Variants in GXYLT1 observed in about 807,000 individuals in gnomAD.
GXYLT1 encodes the protein glucoside xylosyltransferase 1.
In GXYLT1, 29 loss-of-function variants were observed where a neutral mutation model predicts 54.0. The observed-to-expected ratio is 0.54, with a 90% CI of 0.40 to 0.73. The LOEUF (loss-of-function observed/expected upper bound fraction) is 0.73. GXYLT1 is among the 30% of genes least tolerant of loss of function. GXYLT1 has a pLI of 0.00. For synonymous variants in GXYLT1, 176 were observed against 204.1 expected, an observed-to-expected ratio of 0.86 and a Z score of 1.17; for missense variants, 490 against 553.4, an observed-to-expected ratio of 0.89 and a Z score of 1.15.
intron 3 of GXYLT1, among the ~76,000 whole-genome samples, chr12:42,115,230 A>AT (rs1418818459): frequency 1.3e-5 from 2 of 152,212 alleles, no homozygotes; most frequent in African/African-American, 4.8e-5. Flanking sequence ...CAAGACAGGG[A>AT]TGCCCTCTCT....
chr12:42,109,050 A>G (rs1427622822), intron 4 of GXYLT1, among the ~76,000 whole-genome samples: 1 of 152,208 alleles, frequency 6.6e-6, no homozygotes, highest in Non-Finnish European at 1.5e-5. Flanking sequence ...GAACAGCCCC[A>G]CTGAATAAAT....
rs1343933067 is a variant in GXYLT1 at position 42,117,119 on chromosome 12, G to T, written c.486+1881C>A. On this transcript the variant is annotated intron_variant, in intron 3 of 7. Transcript: ENST00000398675. ...CAGGAAGGGGAACATCACACATCGG[G>T]GACTGTTGTGGGGTTGGGGGAGGGG... Among the ~76,000 whole-genome samples, 9 of 147,382 alleles carry T rather than the reference G, an allele frequency of 6.1e-5. No individual in the cohort carries two copies. In the Admixed American group the frequency reaches 6.1e-4, roughly 10 times the overall value.
chr12:42,120,870 T>C (rs1490349860), intron 2 of GXYLT1, among the ~76,000 whole-genome samples: 1 of 151,470 alleles, frequency 6.6e-6, no homozygotes, highest in East Asian at 1.9e-4. Context: ...TATTATTTTC[T>C]GTTGGCTGTA....
rs561660700 is a variant in GXYLT1 at position 42,103,988 on chromosome 12, C to G, written c.864+1830G>C. Reference sequence around the variant, plus strand: ...ATCTGGCCAAGCGCAGTGGCTCACGCCTATAAACCCAGCACTTTGGGGGTT... The same window carrying G: ...ATCTGGCCAAGCGCAGTGGCTCACGGCTATAAACCCAGCACTTTGGGGGTT... On this transcript the variant is annotated intron_variant, in intron 5 of 7. Transcript: ENST00000398675. Among the ~76,000 whole-genome samples the G allele has an allele frequency of 2.6e-5, 4 of 152,230 alleles. No homozygotes were observed. The South Asian group carries it at 8.3e-4, about 32-fold the overall frequency.
At chr12:42,144,317 G>A (rs148850813) in intron 1 of GXYLT1, 109 bp downstream of exon 1, 37,099 of 655,034 alleles carry the variant, frequency 0.057, 1,329 homozygotes, top group Non-Finnish European at 0.065. Flanking sequence ...AGAGACAGGA[G>A]GAAAGACGCG....
At chr12:42,097,639 T>C (rs1565566665) in intron 6 of GXYLT1, 25 bp from the exon 7 acceptor site, 4 of 1,582,240 alleles carry the variant, frequency 2.5e-6, no homozygotes, top group Non-Finnish European at 3.4e-6. Context: ...GACCAAACAA[T>C]GAAGCAAATA....
Position 42,109,702 on chromosome 12 carries a change from T to TA in GXYLT1, c.487-12_487-11insT, listed in dbSNP as rs201103553. The TA allele has an allele frequency of 0.18, 221,656 of 1,266,152 alleles. 11,030 individuals carry two copies. The highest frequency in any genetic ancestry group is 0.19 in the Non-Finnish European group (178,563 of 926,564). 78.4% of individuals were successfully genotyped at this position (1,266,152 alleles called of 1,614,324 possible). A position where few individuals can be genotyped will look rare whatever the true frequency, so the allele number is the denominator to read the frequency against. On this transcript the variant is annotated splice_polypyrimidine_tract_variant and intron_variant, in intron 3 of 7. Coordinates refer to ENST00000398675, the MANE Select transcript of GXYLT1 (RefSeq NM_173601.2). ...TGACCAGTTGTCAAGCTAAAACAATTTAAAAAAAAACTGTTTAGTTTCACT... is the reference window on the plus strand; with the variant it reads ...TGACCAGTTGTCAAGCTAAAACAATTATAAAAAAAAACTGTTTAGTTTCACT...
At chr12:42,142,806 T>G (rs2065659237) in intron 1 of GXYLT1, among the ~76,000 whole-genome samples, 1 of 152,212 alleles carries the variant, frequency 6.6e-6, no homozygotes, top group Non-Finnish European at 1.5e-5. Context: ...AAATGGTTTC[T>G]TATGCGCGCA....
chr12:42,106,595 A>G (rs2065422477), intron 4 of GXYLT1, among the ~76,000 whole-genome samples: 2 of 152,158 alleles, frequency 1.3e-5, no homozygotes, highest in Non-Finnish European at 2.9e-5. Context: ...TTGTGTCCCA[A>G]CGAATCAAAG....
At chr12:42,117,408 A>G (rs934899762) in intron 3 of GXYLT1, among the ~76,000 whole-genome samples, 2 of 152,178 alleles carry the variant, frequency 1.3e-5, no homozygotes, top group East Asian at 1.9e-4. Flanking sequence ...TATAACAGTA[A>G]GAAAACTTTT....
chr12:42,137,783 G>A (rs1217009176), intron 1 of GXYLT1, among the ~76,000 whole-genome samples: 1 of 65,258 alleles, frequency 1.5e-5, no homozygotes, highest in Non-Finnish European at 3.1e-5. Flanking sequence ...AAAAAAGTCA[G>A]TGATAAATTT....
chr12:42,099,657 A>C (rs1158720961), intron 5 of GXYLT1, among the ~76,000 whole-genome samples: 5 of 152,170 alleles, frequency 3.3e-5, no homozygotes, highest in Admixed American at 2.6e-4. Flanking sequence ...GCTCGAGACA[A>C]GCCTGGGCAA....
chr12:42,093,813 C>T (rs756259453), intron 7 of GXYLT1, among the ~76,000 whole-genome samples: 1 of 152,004 alleles, frequency 6.6e-6, no homozygotes, highest in Non-Finnish European at 1.5e-5. Flanking sequence ...GCTAGGATTA[C>T]AGATATGAGC....
rs867394562 is a variant in GXYLT1, at chr12:42,140,228, G to A, written c.221+4198C>T. Among the ~76,000 whole-genome samples, 62 of 99,828 alleles carry A rather than the reference G, an allele frequency of 6.2e-4. 1 individual carries two copies. The highest frequency in any genetic ancestry group is 3.9e-4 in the Non-Finnish European group (20 of 51,598). 65.5% of individuals were successfully genotyped at this position (99,828 alleles called of 152,430 possible). A position where few individuals can be genotyped will look rare whatever the true frequency, so the allele number is the denominator to read the frequency against. ...GGGGGGGGGGACTTCACTAAAAACA[G>A]TAGTGTGAAAATAGTGCCCAAACTA... is the stretch of plus-strand genomic sequence containing the variant. On this transcript the variant is annotated intron_variant, in intron 1 of 7. Coordinates refer to ENST00000398675, the MANE Select transcript of GXYLT1 (RefSeq NM_173601.2).
chr12:42,104,255 A>ATT (rs11390703), intron 5 of GXYLT1, among the ~76,000 whole-genome samples: 3,078 of 148,968 alleles, frequency 0.021, 92 homozygotes, highest in East Asian at 0.088. Flanking sequence ...GAGAAGTCAC[A>ATT]TTTTTTTTTT....
intron 1 of GXYLT1, 123 bp downstream of exon 1, chr12:42,144,303 G>T: frequency 1.8e-6 from 1 of 541,408 alleles, no homozygotes; most frequent in Non-Finnish European, 2.8e-6. Flanking sequence ...ATGAGTGAGG[G>T]GTCAGAGACA....
At chr12:42,112,170 T>C (rs1036915484) in intron 3 of GXYLT1, among the ~76,000 whole-genome samples, 2 of 151,626 alleles carry the variant, frequency 1.3e-5, no homozygotes, top group African/African-American at 4.9e-5. Flanking sequence ...AGACCAAAGG[T>C]AGATAAAACC....
At chr12:42,126,030 A>T (rs2136912107) in intron 2 of GXYLT1, among the ~76,000 whole-genome samples, 1 of 152,166 alleles carries the variant, frequency 6.6e-6, no homozygotes, top group Admixed American at 6.5e-5. Flanking sequence ...ATCTCAAAAA[A>T]ACAAACAAAC....
intron 7 of GXYLT1, among the ~76,000 whole-genome samples, chr12:42,094,559 T>C (rs1390354710): frequency 1.4e-5 from 2 of 143,814 alleles, no homozygotes; most frequent in African/African-American, 5.2e-5. Flanking sequence ...CTTAGGAGGC[T>C]GAGGTGGGAG....
Sources: gnomAD v4.1 joint callset for allele counts (sites outside exome capture counted in the v4.1 genomes callset) on GRCh38, gnomAD v4.1.1 for gene constraint, MANE v1.5 for transcripts, NCBI Gene and HGNC (gene_info 2026-07-23, HGNC 2026-07-21) for gene names.